Variants in SLC4A10 observed in about 807,000 individuals in gnomAD.
SLC4A10 encodes sodium-driven chloride bicarbonate exchanger.
In SLC4A10, 42 loss-of-function variants were observed where a neutral mutation model predicts 137.7. The ratio of observed to expected loss-of-function variants is 0.30; its 90% CI spans 0.24 to 0.39. The LOEUF (loss-of-function observed/expected upper bound fraction) is 0.39, where lower values mean the gene tolerates loss of function less well. Among genes scored for constraint, SLC4A10 ranks in the 10% least tolerant of loss-of-function variants. The pLI, the probability that SLC4A10 is intolerant of heterozygous loss-of-function variation, is 1.00. For missense variants in SLC4A10, 925 were observed against 1,355.0 expected, an observed-to-expected ratio of 0.68 and a Z score of 4.98; for synonymous variants, 474 against 464.1, an observed-to-expected ratio of 1.02 and a Z score of -0.27.
intron 1 of SLC4A10, among the ~76,000 whole-genome samples, chr2:161,706,071 G>T (rs907413905): frequency 1.3e-5 from 2 of 151,170 alleles, no homozygotes; most frequent in Non-Finnish European, 3.0e-5. Flanking sequence ...CTATTAAGAG[G>T]GTCAAGTAAT....
intron 1 of SLC4A10, among the ~76,000 whole-genome samples, chr2:161,629,430 G>A (rs1302853811): frequency 6.6e-6 from 1 of 151,140 alleles, no homozygotes; most frequent in Non-Finnish European, 1.5e-5. Context: ...AGCGATATAG[G>A]TTCGCAGCAA....
intron 3 of SLC4A10, among the ~76,000 whole-genome samples, chr2:161,837,285 T>G (rs753319137): frequency 3.9e-5 from 6 of 152,006 alleles, no homozygotes; most frequent in Non-Finnish European, 8.8e-5. Context: ...TGAAAATAAA[T>G]CACATTTCTC....
intron 15 of SLC4A10, among the ~76,000 whole-genome samples, chr2:161,925,986 T>C (rs1030482316): frequency 6.6e-6 from 1 of 152,078 alleles, no homozygotes; most frequent in Admixed American, 6.6e-5. Flanking sequence ...GTGGTCAATT[T>C]TGGAATAGGT....
chr2:161,908,576 T>A (rs1685035524), intron 15 of SLC4A10, among the ~76,000 whole-genome samples: 1 of 150,058 alleles, frequency 6.7e-6, no homozygotes, highest in Non-Finnish European at 1.5e-5. Flanking sequence ...CCCTAAAACT[T>A]AAAGTATAAT....
chr2:161,896,150 G>T (rs1301349062), intron 11 of SLC4A10, among the ~76,000 whole-genome samples: 5 of 152,006 alleles, frequency 3.3e-5, no homozygotes, highest in Non-Finnish European at 5.9e-5. Flanking sequence ...AGTTTTCCCA[G>T]CACCATTTAT....
At chr2:161,818,071 A>G (rs2057271775) in intron 3 of SLC4A10, among the ~76,000 whole-genome samples, 1 of 152,168 alleles carries the variant, frequency 6.6e-6, no homozygotes, top group African/African-American at 2.4e-5. Flanking sequence ...TACCTTGGGC[A>G]ATATGGCCAT....
intron 18 of SLC4A10, among the ~76,000 whole-genome samples, 181 bp downstream of exon 18, chr2:161,949,442 T>C (rs910042346): frequency 3.3e-5 from 5 of 151,630 alleles, no homozygotes; most frequent in African/African-American, 1.2e-4. Context: ...ATATAAGAAT[T>C]ACAAAATATA....
At chr2:161,969,603 G>A (rs1698166688) in intron 23 of SLC4A10, among the ~76,000 whole-genome samples, 2 of 152,090 alleles carry the variant, frequency 1.3e-5, no homozygotes, top group East Asian at 3.9e-4. Context: ...GAGGAAAGGG[G>A]GTTAGTGTTG....
intron 23 of SLC4A10, among the ~76,000 whole-genome samples, chr2:161,966,311 C>A (rs940466517): frequency 6.6e-6 from 1 of 152,048 alleles, no homozygotes; most frequent in Non-Finnish European, 1.5e-5. Flanking sequence ...AAGAATGTTT[C>A]AATTTTTCCA....
intron 5 of SLC4A10, among the ~76,000 whole-genome samples, chr2:161,862,475 GAATTCAAACACATTATGAATTTTCA>G (rs1216003881): frequency 5.9e-5 from 9 of 152,124 alleles, no homozygotes; most frequent in African/African-American, 2.2e-4. Context: ...TATGAATTGT[GAATTCAAACACATTATGAATTTTCA>G]AATTCAAACA....
intron 1 of SLC4A10, among the ~76,000 whole-genome samples, chr2:161,733,624 C>T (rs1399437067): frequency 6.6e-6 from 1 of 152,214 alleles, no homozygotes; most frequent in East Asian, 1.9e-4. Flanking sequence ...CCTAGTGGAG[C>T]TGTGAGAAGA....
At chr2:161,957,932 A>G (rs1695955465) in intron 20 of SLC4A10, among the ~76,000 whole-genome samples, 1 of 152,164 alleles carries the variant, frequency 6.6e-6, no homozygotes, top group African/African-American at 2.4e-5. Flanking sequence ...CTTGTATTTG[A>G]TCATTAACAC....
chr2:161,767,640 C>T (rs1203115147), intron 1 of SLC4A10, among the ~76,000 whole-genome samples: 2 of 151,874 alleles, frequency 1.3e-5, no homozygotes, highest in Non-Finnish European at 2.9e-5. Flanking sequence ...AATCCTTTGC[C>T]TTGGTCATCT....
At chr2:161,666,721 A>C (rs3843854) in intron 1 of SLC4A10, among the ~76,000 whole-genome samples, 22 of 151,498 alleles carry the variant, frequency 1.5e-4, no homozygotes, top group Non-Finnish European at 2.7e-4. Context: ...AGGATTTGCT[A>C]TATACTTACT....
At chr2:161,834,734 C>T (rs974436282) in intron 3 of SLC4A10, among the ~76,000 whole-genome samples, 8 of 151,290 alleles carry the variant, frequency 5.3e-5, no homozygotes, top group Non-Finnish European at 1.2e-4. Context: ...GTCTTCTTTA[C>T]CCCTCTTTCT....
chr2:161,746,270 A>C (rs2048372664), intron 1 of SLC4A10, among the ~76,000 whole-genome samples: 1 of 151,750 alleles, frequency 6.6e-6, no homozygotes, highest in South Asian at 2.1e-4. Flanking sequence ...GATTTATTTT[A>C]CTGGGGCTGA....
At chr2:161,676,556 A>C (rs931308452) in intron 1 of SLC4A10, among the ~76,000 whole-genome samples, 1 of 152,210 alleles carries the variant, frequency 6.6e-6, no homozygotes, top group Non-Finnish European at 1.5e-5. Context: ...CTAGGTTATA[A>C]ATTAAATGAA....
intron 2 of SLC4A10, among the ~76,000 whole-genome samples, chr2:161,781,039 AG>A (rs906183158): frequency 3.3e-5 from 5 of 152,058 alleles, no homozygotes; most frequent in African/African-American, 9.7e-5. Flanking sequence ...ACTCTCCACC[AG>A]TGTGGCCAAA....
At chr2:161,627,722 G>T (rs973134070) in intron 1 of SLC4A10, among the ~76,000 whole-genome samples, 1 of 152,078 alleles carries the variant, frequency 6.6e-6, no homozygotes, top group Non-Finnish European at 1.5e-5. Context: ...CACTCCAAGG[G>T]TTAGGGCGTT....
Sources: allele counts gnomAD v4.1 joint callset (sites outside exome capture counted in the v4.1 genomes callset), GRCh38; gene constraint gnomAD v4.1.1; transcripts MANE v1.5; gene names NCBI Gene and HGNC (gene_info 2026-07-23, HGNC 2026-07-21).